RUNX2: variants seen among roughly 807,000 people sequenced by gnomAD.
RUNX2 encodes the protein runt-related transcription factor 2.
In RUNX2, 10 loss-of-function variants were observed where a neutral mutation model predicts 51.7. That is an observed-to-expected ratio of 0.19 (90% CI 0.12 to 0.33). The LOEUF is 0.33. Among genes scored for constraint, RUNX2 ranks in the 10% least tolerant of loss-of-function variants. RUNX2 has a pLI of 1.00. For missense variants in RUNX2, 562 were observed against 691.3 expected (o/e 0.81, Z 2.10); for synonymous variants, 276 against 273.6 (o/e 1.01, Z -0.09).
chr6:45,541,070 T>C (rs1309703695), intron 7 of RUNX2, among the ~76,000 whole-genome samples: 1 of 152,254 alleles, frequency 6.6e-6, no homozygotes, highest in African/African-American at 2.4e-5. Context: ...TTCATATCTT[T>C]TCCTTTTGTG....
intron 2 of RUNX2, among the ~76,000 whole-genome samples, chr6:45,373,604 T>C (rs2150319152): frequency 6.6e-6 from 1 of 152,088 alleles, no homozygotes; most frequent in East Asian, 1.9e-4. Context: ...CAGGCTGGAG[T>C]GCAGTGCACG....
intron 3 of RUNX2, among the ~76,000 whole-genome samples, chr6:45,428,444 G>A (rs1314521896): frequency 6.6e-6 from 1 of 152,058 alleles, no homozygotes; most frequent in Non-Finnish European, 1.5e-5. Context: ...AATCTGATTT[G>A]GTAGAGTGAA....
At chr6:45,393,861 G>A (rs1201298009) in intron 2 of RUNX2, among the ~76,000 whole-genome samples, 2 of 152,056 alleles carry the variant, frequency 1.3e-5, no homozygotes, top group Admixed American at 6.6e-5. Context: ...AAGGTGAATA[G>A]GGGAGCCAGT....
Position 45,328,497 on chromosome 6 carries a change from T to C in RUNX2, c.-67+37T>C, listed in dbSNP as rs758397811. On this transcript the variant is annotated intron_variant, in intron 1 of 8. Coordinates refer to ENST00000647337, the MANE Select transcript of RUNX2 (RefSeq NM_001024630.4). ...CTAACCACAGTCTATGCAGTAATAG[T>C]AGGTCCTTCAAATATTTGCTCATTC... The C allele has an allele frequency of 1.2e-5, 18 of 1,523,918 alleles. No homozygotes were observed. In the South Asian group the frequency reaches 1.5e-4, roughly 12 times the overall value. The allele number at this position is 1,523,918 out of a possible 1,614,324, so 94.4% of individuals were successfully genotyped here. A position where few individuals can be genotyped will look rare whatever the true frequency, so the allele number is the denominator to read the frequency against.
At chr6:45,467,799 T>A (rs1339471015) in intron 5 of RUNX2, among the ~76,000 whole-genome samples, 2 of 152,200 alleles carry the variant, frequency 1.3e-5, no homozygotes, top group Non-Finnish European at 2.9e-5. Context: ...CAATGTCCCA[T>A]CTCCCTTATG....
At chr6:45,404,937 T>A (rs1041763789) in intron 2 of RUNX2, among the ~76,000 whole-genome samples, 1 of 152,264 alleles carries the variant, frequency 6.6e-6, no homozygotes, top group Non-Finnish European at 1.5e-5. Flanking sequence ...TTTTGGCAGA[T>A]CATTGTTGAA....
intron 2 of RUNX2, among the ~76,000 whole-genome samples, chr6:45,341,833 C>A (rs1429903304): frequency 1.3e-5 from 2 of 152,100 alleles, no homozygotes; most frequent in Non-Finnish European, 2.9e-5. Context: ...GATAATTCAT[C>A]GCTTTTAGTT....
intron 7 of RUNX2, among the ~76,000 whole-genome samples, chr6:45,542,039 C>G (rs1228492994): frequency 6.6e-6 from 1 of 152,030 alleles, no homozygotes; most frequent in Non-Finnish European, 1.5e-5. Context: ...CTCCACAGCT[C>G]ACTCTCAGTG....
intron 5 of RUNX2, among the ~76,000 whole-genome samples, chr6:45,485,391 G>A (rs1423298580): frequency 6.6e-6 from 1 of 151,292 alleles, no homozygotes; most frequent in Admixed American, 6.6e-5. Flanking sequence ...TAGTAGAAAC[G>A]GGGTTTCTCA....
At chr6:45,477,172 ATC>A (rs990924512) in intron 5 of RUNX2, among the ~76,000 whole-genome samples, 104 of 152,010 alleles carry the variant, frequency 6.8e-4, no homozygotes, top group African/African-American at 2.5e-3. Flanking sequence ...CTGGCTCCTC[ATC>A]TTTCTCTTTC....
chr6:45,494,816 A>G (rs1800598339), intron 6 of RUNX2, among the ~76,000 whole-genome samples: 1 of 152,186 alleles, frequency 6.6e-6, no homozygotes, highest in Admixed American at 6.5e-5. Context: ...TTCAATAAGT[A>G]TGATTTGGGG....
intron 7 of RUNX2, among the ~76,000 whole-genome samples, chr6:45,523,227 T>C (rs536916889): frequency 1.3e-5 from 2 of 152,260 alleles, no homozygotes; most frequent in South Asian, 2.1e-4. Context: ...TGATCACTGT[T>C]GATAGAAAGG....
chr6:45,546,907 C>T lies in RUNX2; in HGVS notation c.1168C>T (p.Pro390Ser). Residue 390 changes from proline to serine, a missense_variant, in exon 9 of 9, where the codon CCA becomes TCA. By Grantham distance (74) the Pro-to-Ser change is moderately conservative. Coordinates refer to ENST00000647337, the MANE Select transcript of RUNX2 (RefSeq NM_001024630.4). ...CCTCACTGAGAGCCGCTTCTCCAAC[C>T]CACGAATGCACTATCCAGCCACCTT... ...SSLTESRFSN[P>S]RMHYPATFTY... 2 of 1,613,996 alleles carry T rather than the reference C, an allele frequency of 1.2e-6. No homozygotes were observed. Among genetic ancestry groups the T allele is most frequent in the South Asian group, 1.1e-5 (1 of 91,060 alleles).
chr6:45,469,347 A>G (rs539407853), intron 5 of RUNX2, among the ~76,000 whole-genome samples: 28 of 152,360 alleles, frequency 1.8e-4, no homozygotes, highest in Admixed American at 1.8e-3. Flanking sequence ...TAAAGAAAAA[A>G]GAAAAGGTTG....
chr6:45,340,488 T>A (rs1789547648), intron 2 of RUNX2, among the ~76,000 whole-genome samples: 1 of 151,964 alleles, frequency 6.6e-6, no homozygotes, highest in Non-Finnish European at 1.5e-5. Context: ...CACGCCCAGA[T>A]AATTTTGTAA....
intron 2 of RUNX2, among the ~76,000 whole-genome samples, chr6:45,379,452 G>A (rs1033408503): frequency 6.6e-6 from 1 of 152,188 alleles, no homozygotes; most frequent in African/African-American, 2.4e-5. Context: ...TTCAGTTAAT[G>A]TTATCATAGA....
At chr6:45,488,258 G>T (rs1563108224) in intron 5 of RUNX2, among the ~76,000 whole-genome samples, 1 of 152,152 alleles carries the variant, frequency 6.6e-6, no homozygotes, top group East Asian at 1.9e-4. Context: ...AAAATGTCTA[G>T]GCTTTTGGCT....
intron 5 of RUNX2, among the ~76,000 whole-genome samples, chr6:45,466,313 T>TA (rs57244753): frequency 2.1e-4 from 30 of 144,730 alleles, no homozygotes; most frequent in East Asian, 4.0e-4. Context: ...AACTCCGTCT[T>TA]AAAAAAAAAA....
intron 2 of RUNX2, among the ~76,000 whole-genome samples, chr6:45,414,088 T>TAA (rs1798010924): frequency 1.3e-5 from 2 of 152,246 alleles, no homozygotes; most frequent in Non-Finnish European, 2.9e-5. Context: ...CTCTTCTGCT[T>TAA]CATCTTAATG....
Sources: allele counts gnomAD v4.1 joint callset (sites outside exome capture counted in the v4.1 genomes callset), GRCh38; gene constraint gnomAD v4.1.1; transcripts MANE v1.5; gene names NCBI Gene and HGNC (gene_info 2026-07-23, HGNC 2026-07-21).